The following USP33 variants were observed in gnomAD, a reference collection of about 807,000 sequenced individuals.
USP33 encodes ubiquitin carboxyl-terminal hydrolase 33.
USP33 carries 46 observed loss-of-function variants against 124.2 expected under a neutral mutation model. The observed-to-expected ratio is 0.37, with a 90% CI of 0.29 to 0.47. USP33 has a LOEUF of 0.47. Among genes scored for constraint, USP33 ranks in the 20% least tolerant of loss-of-function variants. The probability of loss-of-function intolerance (pLI) is 0.99; values close to 1 mark genes in which losing one functional copy is unlikely to be tolerated. For missense variants in USP33, 851 were observed against 1,070.6 expected, an observed-to-expected ratio of 0.79 and a Z score of 2.86; for synonymous variants, 350 against 352.3, an observed-to-expected ratio of 0.99 and a Z score of 0.07.
intron 10 of USP33, 43 bp from the exon 11 acceptor site, chr1:77,725,805 T>G: frequency 1.3e-6 from 2 of 1,520,486 alleles, no homozygotes; most frequent in Non-Finnish European, 9.0e-7. Context: ...AATAGTAAAA[T>G]TATTCTAACT....
intron 11 of USP33, among the ~76,000 whole-genome samples, chr1:77,724,222 T>C (rs1409995693): frequency 6.6e-6 from 1 of 152,160 alleles, no homozygotes; most frequent in Non-Finnish European, 1.5e-5. Context: ...TTTTCACTTA[T>C]TTGTTTTTGT....
chr1:77,704,230 C>T (rs547527763), intron 21 of USP33, among the ~76,000 whole-genome samples: 1 of 152,162 alleles, frequency 6.6e-6, no homozygotes, highest in East Asian at 1.9e-4. Flanking sequence ...ATGGAAAATG[C>T]TGTGGCAGTC....
intron 23 of USP33, 179 bp downstream of exon 23, chr1:77,697,684 A>C (rs1442176053): frequency 1.0e-5 from 9 of 874,074 alleles, no homozygotes; most frequent in African/African-American, 1.7e-5. Context: ...TCTTAACAAC[A>C]GCCTTAAGAC....
intron 1 of USP33, among the ~76,000 whole-genome samples, chr1:77,749,690 T>C (rs996124427): frequency 6.6e-6 from 1 of 152,150 alleles, no homozygotes; most frequent in African/African-American, 2.4e-5. Context: ...CCTGGTTTTA[T>C]TTTCTTAATC....
intron 15 of USP33, among the ~76,000 whole-genome samples, chr1:77,718,910 G>C (rs1676231959): frequency 1.5e-5 from 2 of 132,378 alleles, no homozygotes; most frequent in South Asian, 2.5e-4. Flanking sequence ...GCCTGGGCTA[G>C]AGTGAGACCC....
intron 1 of USP33, among the ~76,000 whole-genome samples, chr1:77,749,029 T>G (rs1336026654): frequency 6.6e-6 from 1 of 152,196 alleles, no homozygotes; most frequent in Non-Finnish European, 1.5e-5. Flanking sequence ...ATTAACATTT[T>G]TACTTCTTGG....
Position 77,701,463 on chromosome 1 carries a change from T to G in USP33, c.2415A>C (p.Arg805Ser). The G allele has an allele frequency of 6.2e-7, 1 of 1,611,782 alleles. No homozygotes were observed. Among genetic ancestry groups the G allele is most frequent in the Non-Finnish European group, 8.5e-7 (1 of 1,179,358 alleles). The change falls in exon 22 of 24, where the codon AGA (arginine) becomes AGC (serine). Residue 805 changes from arginine to serine, a missense_variant. Around this residue, in one of 4 missense-constraint regions of USP33, gnomAD observed 142 missense variants for 141.8 expected, o/e 1.00. Coordinates refer to ENST00000370794, the MANE Select transcript of USP33 (RefSeq NM_201624.3). ...TELEIFIRLN[R>S]AFQKEDSPAT... Reference sequence around the variant, plus strand: ...CTGGAGAGTCCTCTTTTTGGAACGCTCTGTTAAGCTACAAGGGGGAAAAAA... The same window carrying G: ...CTGGAGAGTCCTCTTTTTGGAACGCGCTGTTAAGCTACAAGGGGGAAAAAA...
intron 20 of USP33, among the ~76,000 whole-genome samples, chr1:77,712,250 T>C (rs1675344450): frequency 6.6e-6 from 1 of 152,248 alleles, no homozygotes. Context: ...ATTTTTAATA[T>C]TTAATTAAAG....
intron 9 of USP33, 145 bp downstream of exon 9, chr1:77,729,715 T>C: frequency 1.8e-5 from 13 of 712,248 alleles, no homozygotes; most frequent in Non-Finnish European, 3.1e-5. Flanking sequence ...ATATAAACAA[T>C]AAACATGAAA....
chr1:77,715,275 A>C (rs1570759479), intron 18 of USP33, among the ~76,000 whole-genome samples: 1 of 151,880 alleles, frequency 6.6e-6, no homozygotes, highest in East Asian at 1.9e-4. Context: ...GGCGCAATCT[A>C]GGCTCACTGC....
intron 21 of USP33, among the ~76,000 whole-genome samples, chr1:77,709,100 A>C (rs1255592310): frequency 6.6e-6 from 1 of 152,240 alleles, no homozygotes; most frequent in African/African-American, 2.4e-5. Flanking sequence ...GAGGGAGTTA[A>C]GTAGAAATGA....
Position 77,714,711 on chromosome 1 carries a change from G to A in USP33, c.2118C>T (p.Leu706=), listed in dbSNP as rs1348348211. 1 of 1,613,030 alleles carries A rather than the reference G, an allele frequency of 6.2e-7. No individual in the cohort carries two copies. The highest frequency in any genetic ancestry group is 1.1e-5 in the South Asian group (1 of 91,020). The change falls in exon 19 of 24, where the codon CTC becomes CTT. Residue 706 remains leucine, a synonymous_variant. Coordinates refer to ENST00000370794, the MANE Select transcript of USP33 (RefSeq NM_201624.3). ...ACTGTCGAGAAATATAAAACTGAAG[G>A]AGGCTTGGTTCCATTATGTTCAATA... is the stretch of plus-strand genomic sequence containing the variant. ...SNLLNIMEPS[L]LQFYISRQWL...
intron 21 of USP33, among the ~76,000 whole-genome samples, chr1:77,705,778 A>G (rs539238045): frequency 4.4e-4 from 67 of 152,314 alleles, no homozygotes; most frequent in African/African-American, 1.6e-3. Flanking sequence ...TCCAGCTTAG[A>G]GCCCTCCAAC....
chr1:77,719,073 T>A (rs1676261309), intron 15 of USP33, among the ~76,000 whole-genome samples: 1 of 152,174 alleles, frequency 6.6e-6, no homozygotes, highest in African/African-American at 2.4e-5. Context: ...AAAAATAATT[T>A]AAACTGGCCA....
At chr1:77,700,043 G>C (rs1295183648) in intron 22 of USP33, among the ~76,000 whole-genome samples, 2 of 151,990 alleles carry the variant, frequency 1.3e-5, no homozygotes, top group African/African-American at 4.8e-5. Flanking sequence ...CTGTTGGTGG[G>C]GGTTGAGGGA....
In USP33 at chr1:77,696,904, G is replaced by A. The variant is rs1186637697; in HGVS notation, c.*413C>T. ...TTGAGACTAGCCTGGCCAACATGGT[G>A]AAACCCCATCTCTACTAAAATACAA... is the stretch of plus-strand genomic sequence containing the variant. On this transcript the variant is annotated 3_prime_UTR_variant, in exon 24 of 24. Coordinates refer to ENST00000370794, the MANE Select transcript of USP33 (RefSeq NM_201624.3). 3 of 152,840 alleles carry A rather than the reference G, an allele frequency of 2.0e-5. No homozygotes were observed. Among genetic ancestry groups the A allele is most frequent in the Non-Finnish European group, 4.4e-5 (3 of 68,630 alleles). The allele number at this position is 152,840 out of a possible 1,614,324, so 9.5% of individuals were successfully genotyped here.
intron 6 of USP33, 44 bp from the exon 7 acceptor site, chr1:77,734,460 A>G: frequency 7.9e-7 from 1 of 1,273,492 alleles, no homozygotes; most frequent in Non-Finnish European, 1.1e-6. Context: ...CAATAATGCA[A>G]AATGACTCAA....
intron 21 of USP33, among the ~76,000 whole-genome samples, chr1:77,702,699 C>A (rs1674180076): frequency 6.6e-6 from 1 of 152,028 alleles, no homozygotes; most frequent in Admixed American, 6.6e-5. Context: ...ATACTCAGGG[C>A]TACCTTAGTT....
At chr1:77,725,478 AATC>A (rs1362212793) in intron 11 of USP33, 141 bp downstream of exon 11, 15 of 1,229,130 alleles carry the variant, frequency 1.2e-5, no homozygotes, top group African/African-American at 3.1e-5. Flanking sequence ...CAAAATTTTT[AATC>A]ATGTCTATGT....
Sources: allele counts gnomAD v4.1 joint callset (sites outside exome capture counted in the v4.1 genomes callset), GRCh38; gene constraint gnomAD v4.1.1; regional missense constraint gnomAD v4.1.1; transcripts MANE v1.5; gene names NCBI Gene and HGNC (gene_info 2026-07-23, HGNC 2026-07-21).